The following ARHGAP6 variants were observed in gnomAD, a reference collection of about 807,000 sequenced individuals.
The protein encoded by ARHGAP6 is Rho GTPase activating protein 6.
A neutral mutation model predicts 55.7 loss-of-function variants in ARHGAP6; 16 were observed. The observed-to-expected ratio is 0.29, with a 90% CI of 0.19 to 0.44. ARHGAP6 has a LOEUF of 0.44. ARHGAP6 is among the 20% of genes least tolerant of loss of function. The probability of loss-of-function intolerance (pLI) is 1.00; values close to 1 mark genes in which losing one functional copy is unlikely to be tolerated. For synonymous variants in ARHGAP6, 382 were observed against 360.9 expected, an observed-to-expected ratio of 1.06 and a Z score of -0.66; for missense variants, 698 against 808.9, an observed-to-expected ratio of 0.86 and a Z score of 1.66.
At chrX:11,521,966 T>C (rs962338206) in intron 1 of ARHGAP6, among the ~76,000 whole-genome samples, 8 of 111,591 alleles carry the variant, frequency 7.2e-5, no homozygotes, top group East Asian at 2.8e-4. Flanking sequence ...GTTTCTCTGT[T>C]ATTGGTGTAT....
intron 9 of ARHGAP6, among the ~76,000 whole-genome samples, chrX:11,167,417 T>TAAC (rs1020145430): frequency 9.0e-6 from 1 of 111,154 alleles, no homozygotes; most frequent in Non-Finnish European, 1.9e-5. Flanking sequence ...GTAAAGACTA[T>TAAC]AACTGGAGAC....
intron 1 of ARHGAP6, among the ~76,000 whole-genome samples, chrX:11,607,382 G>A (rs758652850): frequency 3.6e-5 from 4 of 111,787 alleles, no homozygotes; most frequent in East Asian, 2.8e-4. Flanking sequence ...GAAGTACCCC[G>A]AAAAGGCCAG....
intron 1 of ARHGAP6, among the ~76,000 whole-genome samples, chrX:11,567,318 C>T (rs907938281): frequency 9.1e-6 from 1 of 110,215 alleles, no homozygotes; most frequent in African/African-American, 3.3e-5. Flanking sequence ...CTTCTGTGAG[C>T]AATTTGATCA....
intron 1 of ARHGAP6, among the ~76,000 whole-genome samples, chrX:11,517,386 G>T (rs2050853083): frequency 1.8e-5 from 2 of 111,402 alleles, no homozygotes; most frequent in South Asian, 3.7e-4. Context: ...ATTCTACAAG[G>T]GTGTGGATGC....
intron 1 of ARHGAP6, among the ~76,000 whole-genome samples, chrX:11,454,110 ATTTTTTTT>A (rs1187605203): frequency 0.013 from 997 of 76,824 alleles, 11 homozygotes; most frequent in African/African-American, 0.048. Flanking sequence ...CGCACGGCTA[ATTTTTTTT>A]TTTTTTTTTT....
intron 1 of ARHGAP6, chrX:11,266,070 TGTGAGA>T (rs1336850740): frequency 7.6e-5 from 19 of 249,669 alleles, no homozygotes; most frequent in Admixed American, 3.6e-4. Context: ...TGTGTGTGTG[TGTGAGA>T]GAGAGAGAGA....
intron 1 of ARHGAP6, among the ~76,000 whole-genome samples, chrX:11,583,919 T>C (rs932854050): frequency 5.3e-5 from 6 of 112,219 alleles, no homozygotes; most frequent in African/African-American, 1.9e-4. Flanking sequence ...AGTGGTCTCA[T>C]TAAACTCAGG....
rs182368479 is a variant in ARHGAP6, at chrX:11,278,775, C to T, written c.589-24068G>A. Reference sequence around the variant, plus strand: ...TAAACAATAAGAATAATAGAGAAGTCCTGCAGAGGGGAAATCATAACTCGG... The same window carrying T: ...TAAACAATAAGAATAATAGAGAAGTTCTGCAGAGGGGAAATCATAACTCGG... On this transcript the variant is annotated intron_variant, in intron 1 of 12. Transcript: ENST00000337414. Among the ~76,000 whole-genome samples the T allele has an allele frequency of 1.5e-3, 171 of 111,452 alleles. 1 individual carries two copies. The highest frequency in any genetic ancestry group is 4.6e-3 in the Middle Eastern group (1 of 219).
In ARHGAP6 at chrX:11,337,695, T is replaced by C. The variant is rs189261033; in HGVS notation, c.589-82988A>G. Among the ~76,000 whole-genome samples the C allele has an allele frequency of 9.5e-3, 1,076 of 112,687 alleles. 3 individuals carry two copies. The highest frequency in any genetic ancestry group is 0.014 in the Non-Finnish European group (748 of 53,331). ...TCCACTTAAGCAGATACAATTCTTA[T>C]AGGGGAATAAAATTACAACACCAAG... On this transcript the variant is annotated intron_variant, in intron 1 of 12. Coordinates refer to ENST00000337414, the MANE Select transcript of ARHGAP6 (RefSeq NM_013427.3).
intron 3 of ARHGAP6, among the ~76,000 whole-genome samples, chrX:11,190,460 G>GATATATATTTAT (rs1569248556): frequency 7.8e-5 from 6 of 76,978 alleles, no homozygotes; most frequent in African/African-American, 3.2e-4. Context: ...ACCCTGAGGA[G>GATATATATTTAT]ATATATATAT....
intron 1 of ARHGAP6, among the ~76,000 whole-genome samples, chrX:11,528,257 A>G (rs1400724651): frequency 8.9e-6 from 1 of 112,226 alleles, no homozygotes; most frequent in Non-Finnish European, 1.9e-5. Context: ...ACACTGAGCT[A>G]TTGATTGAAC....
At chrX:11,525,812 G>A (rs959088712) in intron 1 of ARHGAP6, among the ~76,000 whole-genome samples, 6 of 110,919 alleles carry the variant, frequency 5.4e-5, no homozygotes, top group Non-Finnish European at 7.6e-5. Flanking sequence ...AAAAATCTAC[G>A]TAAGCATAAT....
At chrX:11,323,866 C>CAAAAAA (rs61462099) in intron 1 of ARHGAP6, among the ~76,000 whole-genome samples, 19 of 40,255 alleles carry the variant, frequency 4.7e-4, no homozygotes, top group Non-Finnish European at 7.2e-4. Context: ...ACCCCCATTT[C>CAAAAAA]AAAAAAAAAA....
intron 1 of ARHGAP6, among the ~76,000 whole-genome samples, chrX:11,590,010 CAG>C (rs1437818031): frequency 1.8e-5 from 2 of 111,364 alleles, no homozygotes; most frequent in African/African-American, 3.3e-5. Context: ...GATGAAGACA[CAG>C]AGAACTTGAG....
At chrX:11,351,087 C>T (rs1340991853) in intron 1 of ARHGAP6, among the ~76,000 whole-genome samples, 4 of 108,432 alleles carry the variant, frequency 3.7e-5, no homozygotes, top group Non-Finnish European at 5.7e-5. Flanking sequence ...CACACACACA[C>T]GCATGCATAC....
chrX:11,401,435 G>A (rs948786749), intron 1 of ARHGAP6, among the ~76,000 whole-genome samples: 1 of 111,602 alleles, frequency 9.0e-6, no homozygotes, highest in Admixed American at 9.5e-5. Context: ...TAGACATTTG[G>A]GTCTGGATAA....
intron 1 of ARHGAP6, among the ~76,000 whole-genome samples, chrX:11,595,860 A>G (rs1214820596): frequency 8.9e-6 from 1 of 112,359 alleles, no homozygotes; most frequent in Non-Finnish European, 1.9e-5. Flanking sequence ...TGCAAATCAA[A>G]AACACAATGA....
At chrX:11,609,072 G>A (rs1569058073) in intron 1 of ARHGAP6, among the ~76,000 whole-genome samples, 1 of 111,800 alleles carries the variant, frequency 8.9e-6, no homozygotes, top group Non-Finnish European at 1.9e-5. Flanking sequence ...CTAGATAGAT[G>A]TAGGTTGCAA....
chrX:11,590,874 G>A (rs2051814855), intron 1 of ARHGAP6, among the ~76,000 whole-genome samples: 2 of 49,891 alleles, frequency 4.0e-5, no homozygotes, highest in Admixed American at 2.6e-4. Context: ...AAGAAGGAAA[G>A]AAAGAAAGAA....
Sources: allele counts gnomAD v4.1 joint callset (sites outside exome capture counted in the v4.1 genomes callset), GRCh38; gene constraint gnomAD v4.1.1; transcripts MANE v1.5; gene names NCBI Gene and HGNC (gene_info 2026-07-23, HGNC 2026-07-21).